HABP4: variants seen among roughly 807,000 people sequenced by gnomAD.
HABP4 encodes the protein hyaluronan binding protein 4.
HABP4 carries 32 observed loss-of-function variants against 44.1 expected under a neutral mutation model. The observed-to-expected ratio is 0.73, with a 90% confidence interval of 0.55 to 0.97. The LOEUF is 0.97. Among genes scored for constraint, HABP4 ranks in the 50% least tolerant of loss-of-function variants. The pLI is 0.00. For missense variants in HABP4, 503 were observed against 561.9 expected (o/e 0.90, Z 1.06); for synonymous variants, 216 against 218.0 (o/e 0.99, Z 0.08).
At chr9:96,462,202 A>G (rs1832511648) in intron 2 of HABP4, among the ~76,000 whole-genome samples, 1 of 151,562 alleles carries the variant, frequency 6.6e-6, no homozygotes, top group Non-Finnish European at 1.5e-5. Flanking sequence ...CTGAAATCCC[A>G]ACACTTTGGG....
At chr9:96,478,021 C>G (rs181482452) in intron 5 of HABP4, among the ~76,000 whole-genome samples, 2 of 152,324 alleles carry the variant, frequency 1.3e-5, no homozygotes, top group Admixed American at 1.3e-4. Context: ...TGTATCTGTT[C>G]ATTCCTTTTC....
chr9:96,479,888 G>A (rs1409564454), intron 5 of HABP4, among the ~76,000 whole-genome samples: 3 of 152,096 alleles, frequency 2.0e-5, no homozygotes, highest in Admixed American at 6.5e-5. Flanking sequence ...AATGCTGGCC[G>A]GGTGCGGTGG....
rs901409998 is a variant in HABP4 at position 96,490,111 on chromosome 9, G to A, written c.*73G>A. On this transcript the variant is annotated 3_prime_UTR_variant, in exon 8 of 8. Transcript: ENST00000375249. ...GGAGACTTTTCCAGCTGGGCCAAGG[G>A]AGTCAGACTCTAAGAACAATAGATG... 8 of 885,428 alleles carry A rather than the reference G, an allele frequency of 9.0e-6. No homozygotes were observed. The highest frequency in any genetic ancestry group is 2.4e-5 in the East Asian group (1 of 41,536). The allele number at this position is 885,428 out of a possible 1,614,324, so 54.8% of individuals were successfully genotyped here.
intron 1 of HABP4, among the ~76,000 whole-genome samples, chr9:96,456,777 AAAAATATATATATATAT>A (rs1332578608): frequency 1.6e-5 from 1 of 64,452 alleles, no homozygotes; most frequent in Non-Finnish European, 2.8e-5. Context: ...AAAAAAAAAA[AAAAATATATATATATAT>A]ATATATATAT....
Position 96,450,965 on chromosome 9 carries a change from A to C in HABP4, c.349+337A>C, listed in dbSNP as rs1400985724. ...TCGCTACCCCGGGGCTCCCACATCC[A>C]GACCTGGCGGGGACCTTCATCTTCC... On this transcript the variant is annotated intron_variant, in intron 1 of 7. Transcript: ENST00000375249. The surrounding 1 kb of genome is among the most constrained non-coding windows in gnomAD (Gnocchi z 4.8). Among the ~76,000 whole-genome samples, 2 of 152,160 alleles carry C rather than the reference A, an allele frequency of 1.3e-5. No individual in the cohort carries two copies. Among genetic ancestry groups the C allele is most frequent in the Non-Finnish European group, 2.9e-5 (2 of 68,016 alleles).
chr9:96,479,154 T>C (rs547814040), intron 5 of HABP4, among the ~76,000 whole-genome samples: 42 of 152,254 alleles, frequency 2.8e-4, no homozygotes, highest in South Asian at 1.0e-3. Context: ...AGTTAAGATA[T>C]GGGATTTTTA....
chr9:96,450,470 CGG>C lies in HABP4; in HGVS notation c.192_193del (p.Ala65ArgfsTer43). 8.2e-7 allele frequency: 1 copy of C among 1,219,562 alleles called. No homozygotes were observed. Among genetic ancestry groups the C allele is most frequent in the Non-Finnish European group, 1.0e-6 (1 of 977,592 alleles). 75.5% of individuals were successfully genotyped at this position (1,219,562 alleles called of 1,614,324 possible). ...AAGAGGCGCGACGAGGCGGCGGCGG[CGG>C]CCGGGGCCGGTCCCCGCGGCGGCAG... On this transcript the variant is annotated frameshift_variant, in exon 1 of 8. Coordinates refer to ENST00000375249, the MANE Select transcript of HABP4 (RefSeq NM_014282.4). LOFTEE classifies it high-confidence loss of function. The surrounding 1 kb of genome is among the most constrained non-coding windows in gnomAD (Gnocchi z 4.8).
intron 5 of HABP4, among the ~76,000 whole-genome samples, chr9:96,474,689 T>G (rs937728748): frequency 1.2e-4 from 18 of 152,214 alleles, no homozygotes; most frequent in Non-Finnish European, 2.5e-4. Flanking sequence ...TTTCTAATAA[T>G]ACAATTATAA....
chr9:96,459,155 G>A (rs1832455657), intron 2 of HABP4, among the ~76,000 whole-genome samples: 2 of 152,132 alleles, frequency 1.3e-5, no homozygotes, highest in Admixed American at 1.3e-4. Context: ...TGTTGAACTG[G>A]TTTTCTTTTG....
intron 4 of HABP4, among the ~76,000 whole-genome samples, chr9:96,470,671 G>A (rs1832678931): frequency 6.6e-6 from 1 of 151,800 alleles, no homozygotes; most frequent in South Asian, 2.1e-4. Flanking sequence ...TTGGGAAGTC[G>A]AGGTGGGAGG....
chr9:96,465,560 A>G (rs55875900), intron 3 of HABP4, 62 bp downstream of exon 3: 15,546 of 1,235,642 alleles, frequency 0.013, 122 homozygotes, highest in Non-Finnish European at 0.016. Context: ...GTATGAATCT[A>G]TTATGTGTTA....
intron 5 of HABP4, among the ~76,000 whole-genome samples, chr9:96,478,157 G>GAGTCTGA (rs1832813269): frequency 2.6e-5 from 4 of 151,830 alleles, no homozygotes; most frequent in Admixed American, 2.0e-4. Flanking sequence ...CTTTGAGACA[G>GAGTCTGA]AGTCTCACTC....
intron 5 of HABP4, among the ~76,000 whole-genome samples, chr9:96,480,560 A>T: frequency 6.6e-6 from 1 of 152,348 alleles, no homozygotes; most frequent in Non-Finnish European, 1.5e-5. Context: ...CCACTACCTA[A>T]ATGCTACCAT....
Position 96,490,196 on chromosome 9 carries a change from CT to C in HABP4, c.*160del, listed in dbSNP as rs1833065977. The C allele has an allele frequency of 1.6e-6, 1 of 620,260 alleles. No homozygotes were observed. Among genetic ancestry groups the C allele is most frequent in the Non-Finnish European group, 2.9e-6 (1 of 343,450 alleles). 38.4% of individuals were successfully genotyped at this position (620,260 alleles called of 1,614,324 possible). On this transcript the variant is annotated 3_prime_UTR_variant, in exon 8 of 8. Coordinates refer to ENST00000375249, the MANE Select transcript of HABP4 (RefSeq NM_014282.4). Reference sequence around the variant, plus strand: ...TTTTTGGGCTGAGCTGTTAGAGGGGCTTCTCCAGAGGCTCGAGAGCAGGCCA... The same window carrying C: ...TTTTTGGGCTGAGCTGTTAGAGGGGCTCTCCAGAGGCTCGAGAGCAGGCCA...
intron 1 of HABP4, among the ~76,000 whole-genome samples, chr9:96,456,663 G>A (rs1299830503): frequency 2.0e-5 from 3 of 149,834 alleles, no homozygotes; most frequent in African/African-American, 7.4e-5. Context: ...GGGAGGCTGA[G>A]GCAGGAGAAT....
chr9:96,465,480 A>G lies in HABP4; in HGVS notation c.656A>G (p.Tyr219Cys), dbSNP rs767576364. 4 of 1,610,744 alleles carry G rather than the reference A, an allele frequency of 2.5e-6. No individual in the cohort carries two copies. Among genetic ancestry groups the G allele is most frequent in the South Asian group, 2.2e-5 (2 of 91,030 alleles). Reference protein sequence around the residue: ...DQRGKREFERYGGNDKIAVRT... With the variant: ...DQRGKREFERCGGNDKIAVRT... ...AGAGGAAAGCGAGAATTTGAAAGAT[A>G]TGGTGGGAATGACAAAATGTAAGTT... Residue 219 changes from tyrosine to cysteine, a missense_variant, in exon 3 of 8, where the codon TAT becomes TGT. Around this residue, in one of 3 missense-constraint regions of HABP4, gnomAD observed 131 missense variants for 189.8 expected, o/e 0.69. Transcript: ENST00000375249.
chr9:96,486,942 G>A (rs1311473947), intron 6 of HABP4, among the ~76,000 whole-genome samples: 8 of 152,014 alleles, frequency 5.3e-5, no homozygotes. Flanking sequence ...ACCCCAGGGA[G>A]ACCTTACCAG....
rs1263285053 is a variant in HABP4 at position 96,458,528 on chromosome 9, T to C, written c.499T>C (p.Phe167Leu). ...ERQADFTAEK[F>L]PDEKPGDRFD... The stretch of plus-strand genomic sequence containing the variant: ...GCAGGCAGACTTCACAGCTGAGAAG[T>C]TTCCAGATGAAAAGTATGTGCTGCA... Residue 167 changes from phenylalanine (F) to leucine (L), a missense_variant, in exon 2 of 8, where the codon TTT becomes CTT. Phe to Leu is a conservative substitution (Grantham distance 22). Coordinates refer to ENST00000375249, the MANE Select transcript of HABP4 (RefSeq NM_014282.4). 1.9e-6 allele frequency: 3 copies of C among 1,612,914 alleles called. No individual in the cohort carries two copies. Among genetic ancestry groups the C allele is most frequent in the Non-Finnish European group, 1.7e-6 (2 of 1,179,174 alleles).
chr9:96,455,982 G>C (rs936301815), intron 1 of HABP4, among the ~76,000 whole-genome samples: 1 of 152,094 alleles, frequency 6.6e-6, no homozygotes, highest in African/African-American at 2.4e-5. Context: ...TTTAACCTGG[G>C]AGGCGGAGGT....
Sources: gnomAD v4.1 joint callset for allele counts (sites outside exome capture counted in the v4.1 genomes callset) on GRCh38, gnomAD v4.1.1 for gene constraint, gnomAD v4.1.1 regional missense constraint, Gnocchi (gnomAD v3.1) non-coding constraint, MANE v1.5 for transcripts, NCBI Gene and HGNC (gene_info 2026-07-23, HGNC 2026-07-21) for gene names.